The following PALM2AKAP2 variants were observed in gnomAD, a reference collection of about 807,000 sequenced individuals.
PALM2AKAP2 encodes the protein PALM2-AKAP2 fusion protein.
A neutral mutation model predicts 71.5 loss-of-function variants in PALM2AKAP2; 37 were observed. The observed-to-expected ratio is 0.52, with a 90% CI of 0.40 to 0.68. The LOEUF is 0.68. Among genes scored for constraint, PALM2AKAP2 ranks in the 30% least tolerant of loss-of-function variants. The pLI, the probability that PALM2AKAP2 is intolerant of heterozygous loss-of-function variation, is 0.00. For synonymous variants in PALM2AKAP2, 468 were observed against 478.8 expected, an observed-to-expected ratio of 0.98 and a Z score of 0.29; for missense variants, 1,224 against 1,191.8, an observed-to-expected ratio of 1.03 and a Z score of -0.40.
intron 1 of PALM2AKAP2, among the ~76,000 whole-genome samples, chr9:109,818,099 C>A (rs752966436): frequency 2.0e-5 from 3 of 152,094 alleles, no homozygotes; most frequent in Non-Finnish European, 4.4e-5. Context: ...GTGTTCAACC[C>A]CGCACATATT....
intron 1 of PALM2AKAP2, among the ~76,000 whole-genome samples, chr9:110,120,732 T>G (rs1005728822): frequency 2.0e-5 from 3 of 152,208 alleles, no homozygotes; most frequent in African/African-American, 4.8e-5. Flanking sequence ...CTTGAACTCC[T>G]GACCTCAGGT....
intron 6 of PALM2AKAP2, among the ~76,000 whole-genome samples, chr9:109,984,481 G>A (rs1220765902): frequency 1.3e-5 from 2 of 151,106 alleles, no homozygotes; most frequent in Non-Finnish European, 3.0e-5. Context: ...AACAAAGCGA[G>A]ACTAGATTGA....
At chr9:109,921,271 G>A (rs1400675366) in intron 3 of PALM2AKAP2, among the ~76,000 whole-genome samples, 1 of 152,128 alleles carries the variant, frequency 6.6e-6, no homozygotes, top group Non-Finnish European at 1.5e-5. Context: ...CCCTCTGTCT[G>A]AGGAATTTAT....
intron 1 of PALM2AKAP2, among the ~76,000 whole-genome samples, chr9:110,089,749 T>C (rs1489705612): frequency 1.3e-5 from 2 of 152,204 alleles, no homozygotes; most frequent in Admixed American, 6.5e-5. Context: ...TTCCTCTCTG[T>C]AAAGGTGCCT....
chr9:110,006,322 T>TTCTC, intron 6 of PALM2AKAP2, among the ~76,000 whole-genome samples: 1 of 67,784 alleles, frequency 1.5e-5, no homozygotes, highest in Non-Finnish European at 3.2e-5. Context: ...CCTTCCTTCC[T>TTCTC]TCTCTTTCTT....
Position 109,825,072 on chromosome 9 carries a change from G to A in PALM2AKAP2, c.46-42419G>A, listed in dbSNP as rs116755803. Among the ~76,000 whole-genome samples, 476 of 152,248 alleles carry A rather than the reference G, an allele frequency of 3.1e-3. 1 individual carries two copies. The highest frequency in any genetic ancestry group is 0.011 in the African/African-American group (451 of 41,538). ...TAGTACACATTTCCAAAGAATTTAC[G>A]AAACAAGACACCTTGCAAAACTAGC... On this transcript the variant is annotated intron_variant, in intron 1 of 9. Transcript: ENST00000302798.
At chr9:110,118,035 C>G (rs1346895494) in intron 1 of PALM2AKAP2, among the ~76,000 whole-genome samples, 2 of 146,584 alleles carry the variant, frequency 1.4e-5, no homozygotes, top group East Asian at 4.1e-4. Flanking sequence ...CCAAGAATTT[C>G]TACTACAGCC....
At chr9:110,122,430 T>C (rs1835509611) in intron 1 of PALM2AKAP2, among the ~76,000 whole-genome samples, 1 of 152,230 alleles carries the variant, frequency 6.6e-6, no homozygotes, top group Non-Finnish European at 1.5e-5. Flanking sequence ...TGCTGCATTT[T>C]GGGGATTCAT....
At chr9:110,011,919 G>T (rs1425202968) in intron 6 of PALM2AKAP2, among the ~76,000 whole-genome samples, 1 of 152,112 alleles carries the variant, frequency 6.6e-6, no homozygotes, top group East Asian at 1.9e-4. Flanking sequence ...TCCACCATAG[G>T]TACGAGAGTG....
At chr9:109,687,522 C>T (rs561483011) in intron 1 of PALM2AKAP2, among the ~76,000 whole-genome samples, 7 of 152,330 alleles carry the variant, frequency 4.6e-5, no homozygotes, top group African/African-American at 1.4e-4. Context: ...TGGCTTCCAA[C>T]CTTTTTCCTG....
intron 1 of PALM2AKAP2, among the ~76,000 whole-genome samples, chr9:109,803,883 G>A (rs1303396456): frequency 6.6e-6 from 1 of 152,230 alleles, no homozygotes; most frequent in African/African-American, 2.4e-5. Flanking sequence ...AACAAAGGCA[G>A]TGGCTGTAAA....
chr9:109,758,526 C>A (rs376580676), intron 1 of PALM2AKAP2, among the ~76,000 whole-genome samples: 200 of 51,496 alleles, frequency 3.9e-3, no homozygotes, highest in African/African-American at 0.027. Flanking sequence ...CAAGAGAGTG[C>A]AGTTTGTGTG....
At chr9:109,752,836 G>A (rs547541727) in intron 1 of PALM2AKAP2, among the ~76,000 whole-genome samples, 37 of 152,118 alleles carry the variant, frequency 2.4e-4, no homozygotes, top group Non-Finnish European at 4.6e-4. Flanking sequence ...CCAGTAGCCG[G>A]GCAATCTTGT....
At chr9:109,707,730 T>C (rs1318108333) in intron 1 of PALM2AKAP2, among the ~76,000 whole-genome samples, 9 of 152,244 alleles carry the variant, frequency 5.9e-5, no homozygotes, top group African/African-American at 2.2e-4. Flanking sequence ...GTTTCTCTGC[T>C]TGCTCCTAAG....
At chr9:110,000,222 T>C (rs1247923911) in intron 6 of PALM2AKAP2, among the ~76,000 whole-genome samples, 2 of 148,454 alleles carry the variant, frequency 1.3e-5, no homozygotes, top group South Asian at 2.3e-4. Context: ...TCCATGTGTT[T>C]TCATTGTTCA....
chr9:110,114,660 G>A (rs1203739935), intron 1 of PALM2AKAP2, among the ~76,000 whole-genome samples: 2 of 152,234 alleles, frequency 1.3e-5, no homozygotes, highest in South Asian at 2.1e-4. Flanking sequence ...ATAAACAAAC[G>A]TAGAACAAAG....
intron 1 of PALM2AKAP2, among the ~76,000 whole-genome samples, chr9:110,118,055 C>T (rs1300191071): frequency 1.3e-5 from 2 of 149,046 alleles, no homozygotes; most frequent in Non-Finnish European, 3.0e-5. Context: ...CATGGAGGCA[C>T]ATGTAGAAAA....
intron 1 of PALM2AKAP2, among the ~76,000 whole-genome samples, chr9:109,809,170 A>G (rs112331779): frequency 0.075 from 11,442 of 152,244 alleles, 1,179 homozygotes; most frequent in African/African-American, 0.24. Context: ...GAAGAAGGCC[A>G]TTGCTCTCCA....
chr9:110,016,590 A>G (rs779680192), intron 7 of PALM2AKAP2, among the ~76,000 whole-genome samples: 4 of 152,342 alleles, frequency 2.6e-5, no homozygotes, highest in Middle Eastern at 3.4e-3. Context: ...AATCCACTTA[A>G]CTATCACTGT....
Sources: gnomAD v4.1 joint callset for allele counts (sites outside exome capture counted in the v4.1 genomes callset) on GRCh38, gnomAD v4.1.1 for gene constraint, MANE v1.5 for transcripts, NCBI Gene and HGNC (gene_info 2026-07-23, HGNC 2026-07-21) for gene names.